Variants in TAFA4 observed in about 807,000 individuals in gnomAD.
TAFA4 encodes TAFA chemokine like family member 4.
A neutral mutation model predicts 21.1 loss-of-function variants in TAFA4; 20 were observed. The observed-to-expected ratio is 0.95, with a 90% CI of 0.67 to 1.38. The LOEUF (loss-of-function observed/expected upper bound fraction) is 1.38, where lower values mean the gene tolerates loss of function less well. Ranked by LOEUF, TAFA4 falls within the 40% of genes most tolerant of loss-of-function variation. The probability of loss-of-function intolerance (pLI) is 0.00; values close to 1 mark genes in which losing one functional copy is unlikely to be tolerated. For synonymous variants in TAFA4, 71 were observed against 67.4 expected (o/e 1.05, Z -0.26); for missense variants, 211 against 180.9 (o/e 1.17, Z -0.95).
chr3:68,783,600 G>GT (rs1193054640), intron 3 of TAFA4, among the ~76,000 whole-genome samples: 4 of 150,332 alleles, frequency 2.7e-5, no homozygotes, highest in East Asian at 3.9e-4. Context: ...TTCCCACCTA[G>GT]TTTTTTTGAC....
In TAFA4 at chr3:68,761,150, G is replaced by A. The variant is rs901056864; in HGVS notation, c.131-8132C>T. On this transcript the variant is annotated intron_variant, in intron 3 of 5. Coordinates refer to ENST00000295569, the MANE Select transcript of TAFA4 (RefSeq NM_182522.5). ...ATTAAGCCTCTCAGTCTTGCATTTC[G>A]CATGTGTAAGTAGTACATGACAATT... Among the ~76,000 whole-genome samples the A allele has an allele frequency of 6.6e-5, 10 of 152,160 alleles. No individual in the cohort carries two copies. In the East Asian group the frequency reaches 7.7e-4, roughly 12 times the overall value.
At chr3:68,833,583 A>G (rs1278713717) in intron 3 of TAFA4, among the ~76,000 whole-genome samples, 4 of 152,236 alleles carry the variant, frequency 2.6e-5, no homozygotes, top group African/African-American at 4.8e-5. Context: ...TTTTCTAAAA[A>G]TAAGTCAAAT....
chr3:68,796,626 A>C (rs746582903), intron 3 of TAFA4, among the ~76,000 whole-genome samples: 104 of 152,182 alleles, frequency 6.8e-4, no homozygotes, highest in Admixed American at 2.5e-3. Context: ...ACAAAAGAAA[A>C]AATAAATTGA....
chr3:68,788,144 T>C (rs1703294471), intron 3 of TAFA4, among the ~76,000 whole-genome samples: 1 of 152,202 alleles, frequency 6.6e-6, no homozygotes, highest in African/African-American at 2.4e-5. Context: ...CACAGTGGTG[T>C]GTAACACGTG....
At chr3:68,751,160 G>A (rs910110379) in intron 4 of TAFA4, among the ~76,000 whole-genome samples, 1 of 152,224 alleles carries the variant, frequency 6.6e-6, no homozygotes, top group South Asian at 2.1e-4. Context: ...AAGAACTCTG[G>A]ATTGCCTAGG....
intron 3 of TAFA4, among the ~76,000 whole-genome samples, chr3:68,860,165 C>A (rs1477589773): frequency 3.3e-5 from 5 of 152,082 alleles, no homozygotes; most frequent in Admixed American, 2.6e-4. Context: ...TGGTAACCTG[C>A]TGAAATGTTC....
intron 3 of TAFA4, among the ~76,000 whole-genome samples, chr3:68,810,651 G>C (rs745981444): frequency 1.4e-4 from 21 of 151,938 alleles, no homozygotes; most frequent in East Asian, 1.2e-3. Context: ...GCCGAGGCTT[G>C]AGTAGGTAAA....
At chr3:68,888,536 C>T (rs560826973) in intron 1 of TAFA4, among the ~76,000 whole-genome samples, 20 of 152,246 alleles carry the variant, frequency 1.3e-4, no homozygotes, top group Non-Finnish European at 2.4e-4. Context: ...AGCAATAACG[C>T]CATTCTCTGT....
intron 4 of TAFA4, among the ~76,000 whole-genome samples, chr3:68,752,484 A>C (rs1483648317): frequency 6.6e-6 from 1 of 152,228 alleles, no homozygotes; most frequent in Non-Finnish European, 1.5e-5. Flanking sequence ...GGATACTAAC[A>C]TATAACACCA....
At chr3:68,858,974 G>A (rs1168744512) in intron 3 of TAFA4, among the ~76,000 whole-genome samples, 1 of 151,842 alleles carries the variant, frequency 6.6e-6, no homozygotes, top group Non-Finnish European at 1.5e-5. Context: ...AATGAAAAAT[G>A]TCCCATCTGC....
chr3:68,740,113 C>T (rs1334703134), intron 4 of TAFA4, among the ~76,000 whole-genome samples: 1 of 152,208 alleles, frequency 6.6e-6, no homozygotes, highest in Admixed American at 6.5e-5. Context: ...AGTTCTCGGA[C>T]TTCTCTTAGT....
At chr3:68,776,430 T>A (rs1703051044) in intron 3 of TAFA4, among the ~76,000 whole-genome samples, 1 of 152,186 alleles carries the variant, frequency 6.6e-6, no homozygotes, top group East Asian at 1.9e-4. Context: ...AAGAGGAACA[T>A]TTCATTATAA....
At chr3:68,877,220 G>A (rs781545423) in intron 3 of TAFA4, among the ~76,000 whole-genome samples, 1 of 152,024 alleles carries the variant, frequency 6.6e-6, no homozygotes, top group African/African-American at 2.4e-5. Flanking sequence ...TTAGCTGGGC[G>A]CTGTGGTAGG....
At chr3:68,853,128 T>C (rs907985377) in intron 3 of TAFA4, among the ~76,000 whole-genome samples, 1 of 152,196 alleles carries the variant, frequency 6.6e-6, no homozygotes. Context: ...CCTGAATAAG[T>C]AAATTATACT....
chr3:68,752,911 G>A lies in TAFA4; in HGVS notation c.238C>T (p.Pro80Ser). ...CGAGTTGTGCCCGCCACCTGTCCCG[G>A]GAAGCAAGAGCACTTGACCGTTTGT... ...RSQTVKCSCF[P>S]GQVAGTTRAQ... The change falls in exon 4 of 6, where the codon CCG becomes TCG. Residue 80 changes from proline (P) to serine (S), a missense_variant. By Grantham distance (74) the Pro-to-Ser change is moderately conservative (BLOSUM62 -1). Transcript: ENST00000295569. The A allele has an allele frequency of 1.2e-6, 2 of 1,614,070 alleles. No individual in the cohort carries two copies. The highest frequency in any genetic ancestry group is 1.1e-5 in the South Asian group (1 of 91,076).
intron 3 of TAFA4, among the ~76,000 whole-genome samples, chr3:68,773,381 C>T (rs1345338897): frequency 6.6e-6 from 1 of 152,152 alleles, no homozygotes; most frequent in Non-Finnish European, 1.5e-5. Context: ...GGTACAACAC[C>T]CTCCTGAAAC....
intron 3 of TAFA4, among the ~76,000 whole-genome samples, chr3:68,803,940 A>T (rs1703630337): frequency 6.7e-6 from 1 of 150,182 alleles, no homozygotes; most frequent in Non-Finnish European, 1.5e-5. Context: ...GGCATGTGCC[A>T]CCACACCTGG....
chr3:68,758,845 G>A (rs961683581), intron 3 of TAFA4, among the ~76,000 whole-genome samples: 30 of 152,302 alleles, frequency 2.0e-4, no homozygotes, highest in Non-Finnish European at 8.8e-5. Context: ...CATTGTATTA[G>A]TTAAGGTTCT....
At chr3:68,863,132 C>G (rs1255679464) in intron 3 of TAFA4, among the ~76,000 whole-genome samples, 1 of 151,102 alleles carries the variant, frequency 6.6e-6, no homozygotes, top group African/African-American at 2.4e-5. Flanking sequence ...CAGCTAGCTA[C>G]ACAACAGGCT....
Sources: gnomAD v4.1 joint callset for allele counts (sites outside exome capture counted in the v4.1 genomes callset) on GRCh38, gnomAD v4.1.1 for gene constraint, MANE v1.5 for transcripts, NCBI Gene and HGNC (gene_info 2026-07-23, HGNC 2026-07-21) for gene names.